RPS6: variants seen among roughly 807,000 people sequenced by gnomAD.
RPS6 encodes the protein ribosomal protein S6, also known as small ribosomal subunit protein eS6.
Under a neutral mutation model 27.1 loss-of-function variants are expected in RPS6, and 1 was observed. The observed-to-expected ratio is 0.04, with a 90% confidence interval of 0.01 to 0.18. RPS6 has a LOEUF of 0.18. Ranked by LOEUF, RPS6 falls within the 10% of genes least tolerant of loss-of-function variation. The probability of loss-of-function intolerance (pLI) is 1.00; values close to 1 mark genes in which losing one functional copy is unlikely to be tolerated. For missense variants in RPS6, 259 were observed against 319.1 expected (o/e 0.81, Z 1.44); for synonymous variants, 152 against 106.0 (o/e 1.43, Z -2.66).
chr9:19,378,518 A>G lies in RPS6; in HGVS notation c.350-4T>C. On this transcript the variant is annotated splice_polypyrimidine_tract_variant and splice_region_variant and intron_variant, in intron 3 of 5. Transcript: ENST00000380394. ...AGTCCAGGAATATCCTTCTCTCCTT[A>G]GAAGAAACAGTTGAAGAGATTTTAA... 1 of 1,610,582 alleles carries G rather than the reference A, an allele frequency of 6.2e-7. No homozygotes were observed. The highest frequency in any genetic ancestry group is 1.1e-5 in the South Asian group (1 of 90,226).
rs1030669183 is a variant in RPS6, at chr9:19,376,751, T to A, written c.497-100A>T. 4.9e-6 allele frequency: 6 copies of A among 1,212,310 alleles called. No individual in the cohort carries two copies. In the Admixed American group the frequency reaches 1.1e-4, roughly 21 times the overall value. The allele number at this position is 1,212,310 out of a possible 1,614,324, so 75.1% of individuals were successfully genotyped here. Reference sequence around the variant, plus strand: ...ATAAACGTAAGCTTAACAGCATCTATGAAAACCTATAATGAGGCCTTTAAA... The same window carrying A: ...ATAAACGTAAGCTTAACAGCATCTAAGAAAACCTATAATGAGGCCTTTAAA... On this transcript the variant is annotated intron_variant, in intron 4 of 5. Transcript: ENST00000380394.
Position 19,376,191 on chromosome 9 carries a change from A to G in RPS6, c.*102T>C. 4.0e-6 allele frequency: 4 copies of G among 1,003,220 alleles called. No individual in the cohort carries two copies. The highest frequency in any genetic ancestry group is 3.3e-4 in the Middle Eastern group (1 of 2,990). 62.1% of individuals were successfully genotyped at this position (1,003,220 alleles called of 1,614,324 possible). On this transcript the variant is annotated 3_prime_UTR_variant, in exon 6 of 6. Transcript: ENST00000380394. ...CCATATATACATATCCCCATTTTCT[A>G]TGACCTAACTTTCCCTCTCTTCATT... is the stretch of plus-strand genomic sequence containing the variant.
At chr9:19,376,464 T>C in intron 5 of RPS6, 30 bp downstream of exon 5, 1 of 1,613,104 alleles carries the variant, frequency 6.2e-7, no homozygotes, top group East Asian at 2.2e-5. Context: ...GTCGAACTCC[T>C]CCCACCCCCT....
chr9:19,378,113 T>A (rs544353676), intron 4 of RPS6, among the ~76,000 whole-genome samples: 2 of 152,156 alleles, frequency 1.3e-5, no homozygotes, highest in Non-Finnish European at 2.9e-5. Context: ...GTCAGGTTAT[T>A]TTTGGATAAT....
intron 2 of RPS6, 79 bp downstream of exon 2, chr9:19,379,408 A>G: frequency 6.3e-7 from 1 of 1,587,284 alleles, no homozygotes; most frequent in South Asian, 1.1e-5. Context: ...CCGGAGTCTG[A>G]ACCCCATTCC....
Position 19,378,403 on chromosome 9 carries a change from C to T in RPS6, c.461G>A (p.Arg154His), listed in dbSNP as rs1829624403. Residue 154 changes from arginine to histidine, a missense_variant, in exon 4 of 6, where the codon CGC (arginine) becomes CAC (histidine). Around this residue, in one of 3 missense-constraint regions of RPS6, gnomAD observed 191 missense variants for 231.6 expected, o/e 0.82. Transcript: ENST00000380394. ...TAAGGGCTTTCTTACAACATACTGGCGGACATCATCTTCTTTAGAGAGATT... is the reference window on the plus strand; with the variant it reads ...TAAGGGCTTTCTTACAACATACTGGTGGACATCATCTTCTTTAGAGAGATT... ...LFNLSKEDDV[R>H]QYVVRKPLNK... 1 of 1,613,088 alleles carries T rather than the reference C, an allele frequency of 6.2e-7. No individual in the cohort carries two copies. The highest frequency in any genetic ancestry group is 1.3e-5 in the African/African-American group (1 of 74,898).
rs372821717 is a variant in RPS6 at position 19,376,580 on chromosome 9, G to T, written c.568C>A (p.Arg190=). Residue 190 remains arginine (R), a synonymous_variant, in exon 5 of 6, where the codon CGG becomes AGG. Coordinates refer to ENST00000380394, the MANE Select transcript of RPS6 (RefSeq NM_001010.3). ...VTPRVLQHKR[R]RIALKKQRTK... ...CGCTGCTTCTTCAGAGCAATACGCC[G>T]CCGTTTGTGCTGCAGGACACGTGGA... is the stretch of plus-strand genomic sequence containing the variant. The T allele has an allele frequency of 1.7e-5, 27 of 1,613,920 alleles. No homozygotes were observed. The highest frequency in any genetic ancestry group is 2.2e-5 in the Non-Finnish European group (26 of 1,180,018).
chr9:19,376,953 G>A (rs902613621), intron 4 of RPS6: 2 of 213,956 alleles, frequency 9.3e-6, no homozygotes, highest in African/African-American at 4.6e-5. Context: ...ACTGTGCATA[G>A]TTAATTTGTC....
chr9:19,376,737 C>A, intron 4 of RPS6, 86 bp from the exon 5 acceptor site: 1 of 1,346,098 alleles, frequency 7.4e-7, no homozygotes. Context: ...TAAACGTAAG[C>A]TTAACAGCAT....
intron 2 of RPS6, chr9:19,379,268 G>T (rs149033767): frequency 1.4e-6 from 2 of 1,449,444 alleles, no homozygotes; most frequent in East Asian, 5.0e-5. Context: ...ATGATGCAGG[G>T]CAAGAATTAT....
At chr9:19,376,453 G>A (rs1475892502) in intron 5 of RPS6, 41 bp downstream of exon 5, 1 of 1,612,542 alleles carries the variant, frequency 6.2e-7, no homozygotes, top group South Asian at 1.1e-5. Context: ...TCCAAAGCCA[G>A]GTCGAACTCC....
chr9:19,376,284 C>CA lies in RPS6; in HGVS notation c.*8dup. The CA allele has an allele frequency of 1.2e-6, 2 of 1,603,872 alleles. No individual in the cohort carries two copies. The highest frequency in any genetic ancestry group is 1.7e-6 in the Non-Finnish European group (2 of 1,175,000). On this transcript the variant is annotated 3_prime_UTR_variant, in exon 6 of 6. Transcript: ENST00000380394. The stretch of plus-strand genomic sequence containing the variant: ...AGTCTGATCTTATTTATTTGTTACT[C>CA]AAAAAATCTTATTTCTGACTGGATT...
At chr9:19,377,180 G>A (rs1246426114) in intron 4 of RPS6, among the ~76,000 whole-genome samples, 3 of 152,160 alleles carry the variant, frequency 2.0e-5, no homozygotes, top group Non-Finnish European at 4.4e-5. Context: ...TTGGAGCATA[G>A]GCCTTTTCAG....
In RPS6 at chr9:19,378,921, G is replaced by T. The variant is rs879094654; in HGVS notation, c.139-3C>A. ...CCACTGATTCGGACCACATAACCCT[G>T]CAAGAGCATACAATGAATGACACAT... On this transcript the variant is annotated splice_region_variant and splice_polypyrimidine_tract_variant and intron_variant, in intron 2 of 5. Coordinates refer to ENST00000380394, the MANE Select transcript of RPS6 (RefSeq NM_001010.3). 1 of 1,613,546 alleles carries T rather than the reference G, an allele frequency of 6.2e-7. No homozygotes were observed. The highest frequency in any genetic ancestry group is 1.7e-5 in the Admixed American group (1 of 59,950).
At chr9:19,376,453 G>T (rs1475892502) in intron 5 of RPS6, 41 bp downstream of exon 5, 2 of 1,612,542 alleles carry the variant, frequency 1.2e-6, no homozygotes, top group Admixed American at 3.3e-5. Flanking sequence ...TCCAAAGCCA[G>T]GTCGAACTCC....
At chr9:19,376,906 G>A (rs1829597795) in intron 4 of RPS6, 2 of 351,974 alleles carry the variant, frequency 5.7e-6, no homozygotes, top group Non-Finnish European at 1.0e-5. Flanking sequence ...CTACCTTCCA[G>A]TTTTACTAAA....
chr9:19,379,926 A>T (rs1190288428), intron 1 of RPS6: 3 of 1,431,190 alleles, frequency 2.1e-6, no homozygotes, highest in African/African-American at 1.4e-5. Context: ...GGCCTGCCGC[A>T]AACTGGGCAA....
intron 4 of RPS6, among the ~76,000 whole-genome samples, chr9:19,377,206 G>A (rs1051383321): frequency 7.2e-5 from 11 of 152,200 alleles, no homozygotes; most frequent in African/African-American, 2.7e-4. Flanking sequence ...TTTGTTTCAT[G>A]GACACTTTGT....
intron 2 of RPS6, 82 bp downstream of exon 2, chr9:19,379,405 C>T (rs974829497): frequency 8.8e-6 from 14 of 1,582,704 alleles, no homozygotes; most frequent in Non-Finnish European, 1.1e-5. Flanking sequence ...AACCCGGAGT[C>T]TGAACCCCAT....
Sources: gnomAD v4.1 joint callset for allele counts (sites outside exome capture counted in the v4.1 genomes callset) on GRCh38, gnomAD v4.1.1 for gene constraint, gnomAD v4.1.1 regional missense constraint, MANE v1.5 for transcripts, NCBI Gene and HGNC (gene_info 2026-07-23, HGNC 2026-07-21) for gene names.